C2orf76: variants seen among roughly 807,000 people sequenced by gnomAD.
The protein encoded by C2orf76 is chromosome 2 open reading frame 76, also known as UPF0538 protein C2orf76.
A neutral mutation model predicts 16.9 loss-of-function variants in C2orf76; 23 were observed. That is an observed-to-expected ratio of 1.36 (90% CI 0.98 to 1.93). The LOEUF (loss-of-function observed/expected upper bound fraction) is 1.93, where lower values mean the gene tolerates loss of function less well. Ranked by LOEUF, C2orf76 falls within the 30% of genes most tolerant of loss-of-function variation. The pLI, the probability that C2orf76 is intolerant of heterozygous loss-of-function variation, is 0.00. For synonymous variants in C2orf76, 48 were observed against 52.3 expected (o/e 0.92, Z 0.35); for missense variants, 152 against 152.6 (o/e 1.00, Z 0.02).
At chr2:119,298,094 TCAC>T (rs1238936176), downstream of C2orf76, among the ~76,000 whole-genome samples, 2 of 152,188 alleles carry the variant, frequency 1.3e-5, no homozygotes, top group Non-Finnish European at 2.9e-5. Flanking sequence ...TAGGCATGCA[TCAC>T]CACACCTGGC....
chr2:119,288,091 C>G, the C2orf76 span, among the ~76,000 whole-genome samples: 3 of 151,478 alleles, frequency 2.0e-5, no homozygotes, highest in Non-Finnish European at 4.4e-5. Flanking sequence ...GGGTCGTGCA[C>G]TTGTCAAAAC....
At position 119,329,409 on chromosome 2, in the gene C2orf76, A is replaced by AATTAAAAAATTATCTAAAAATTAC. The variant is rs1236412548; in HGVS notation, c.134-8206_134-8205insGTAATTTTTAGATAATTTTTTAAT. Among the ~76,000 whole-genome samples, 109 of 152,150 alleles carry AATTAAAAAATTATCTAAAAATTAC rather than the reference A, an allele frequency of 7.2e-4. 1 individual carries two copies. The East Asian group carries it at 9.8e-3, about 14-fold the overall frequency. On this transcript the variant is annotated intron_variant, in intron 2 of 5. Coordinates refer to ENST00000334816, the MANE Select transcript of C2orf76 (RefSeq NM_001322331.2). Reference sequence around the variant, plus strand: ...ATTCTTACTTGATTTTTATCTTTAAAGTACATTTCTTGTAGGTAACATATA... The same window carrying AATTAAAAAATTATCTAAAAATTAC: ...ATTCTTACTTGATTTTTATCTTTAAAATTAAAAAATTATCTAAAAATTACGTACATTTCTTGTAGGTAACATATA...
At chr2:119,338,055 C>A (rs567652429) in intron 2 of C2orf76, among the ~76,000 whole-genome samples, 1 of 152,094 alleles carries the variant, frequency 6.6e-6, no homozygotes, top group Non-Finnish European at 1.5e-5. Flanking sequence ...TAAAAAAGTA[C>A]GGATTTGTTT....
intron 5 of C2orf76, among the ~76,000 whole-genome samples, chr2:119,308,448 T>A (rs1678868648): frequency 1.3e-5 from 2 of 151,892 alleles, no homozygotes; most frequent in Non-Finnish European, 2.9e-5. Flanking sequence ...GAGACCAGCC[T>A]GGCCAATATG....
chr2:119,315,666 T>A (rs1387373558), intron 4 of C2orf76, among the ~76,000 whole-genome samples: 1 of 152,230 alleles, frequency 6.6e-6, no homozygotes, highest in Non-Finnish European at 1.5e-5. Flanking sequence ...CAGGGCATCT[T>A]AACTAGCATT....
chr2:119,347,101 T>C (rs1208710989), intron 1 of C2orf76, among the ~76,000 whole-genome samples: 4 of 152,322 alleles, frequency 2.6e-5, no homozygotes, highest in African/African-American at 9.6e-5. Flanking sequence ...AACTTCAGCA[T>C]GGGTACATCT....
intron 3 of C2orf76, 90 bp from the exon 4 acceptor site, chr2:119,317,593 TGAGAAA>T (rs781385441): frequency 1.8e-4 from 185 of 1,010,706 alleles, no homozygotes; most frequent in Non-Finnish European, 2.6e-4. Flanking sequence ...GCTACGAAAT[TGAGAAA>T]TGTAAGTCCT....
At chr2:119,282,972 C>T in the C2orf76 span, among the ~76,000 whole-genome samples, 3 of 152,288 alleles carry the variant, frequency 2.0e-5, no homozygotes, top group East Asian at 3.9e-4. Flanking sequence ...TCCTGAAAGA[C>T]GGATGTCCAC....
chr2:119,357,680 A>G (rs1477036071), intron 1 of C2orf76, among the ~76,000 whole-genome samples: 1 of 152,170 alleles, frequency 6.6e-6, no homozygotes, highest in Non-Finnish European at 1.5e-5. Context: ...GAACAAGGAA[A>G]AATAGCCATT....
At chr2:119,366,987 G>A (rs1250190931), upstream of C2orf76, 3 of 1,607,064 alleles carry the variant, frequency 1.9e-6, no homozygotes, top group Non-Finnish European at 2.6e-6. Context: ...AGTGCAATCT[G>A]GGCGATCGCT....
chr2:119,343,720 C>A (rs894404789), intron 1 of C2orf76, among the ~76,000 whole-genome samples: 2 of 152,156 alleles, frequency 1.3e-5, no homozygotes, highest in Admixed American at 6.5e-5. Flanking sequence ...GTGGAGGTTG[C>A]AGTGAGCTGA....
At chr2:119,308,519 T>C (rs1054126599) in intron 5 of C2orf76, among the ~76,000 whole-genome samples, 1 of 152,122 alleles carries the variant, frequency 6.6e-6, no homozygotes, top group African/African-American at 2.4e-5. Context: ...TGCACACCCA[T>C]AATCCCAGCT....
chr2:119,323,815 GA>G (rs1679424151), intron 2 of C2orf76, among the ~76,000 whole-genome samples: 1 of 152,132 alleles, frequency 6.6e-6, no homozygotes, highest in Non-Finnish European at 1.5e-5. Context: ...AGTGCTGTAG[GA>G]ACATGAGCCT....
chr2:119,289,426 G>A, the C2orf76 span, among the ~76,000 whole-genome samples: 3 of 151,986 alleles, frequency 2.0e-5, no homozygotes, highest in Non-Finnish European at 2.9e-5. Flanking sequence ...AGTGGCTCAC[G>A]CCTGTAATCC....
In C2orf76 at chr2:119,343,374, G is replaced by A. The variant is rs537746365; in HGVS notation, c.-12-3403C>T. Among the ~76,000 whole-genome samples the A allele has an allele frequency of 5.9e-5, 9 of 152,150 alleles. No homozygotes were observed. The East Asian group carries it at 1.2e-3, about 20-fold the overall frequency. On this transcript the variant is annotated intron_variant, in intron 1 of 5. Transcript: ENST00000334816. ...AAGCCTCTTGTATTTTAGAAGCAGT[G>A]TTGACAGGTTTGCTAAAGCTATGAC...
At chr2:119,302,015 A>G (rs6738969), downstream of C2orf76, among the ~76,000 whole-genome samples, 108,234 of 151,860 alleles carry the variant, frequency 0.71, 39,572 homozygotes, top group African/African-American at 0.89. Context: ...CACACCCTGA[A>G]CTAAAAGGTA....
intron 1 of C2orf76, among the ~76,000 whole-genome samples, chr2:119,360,477 CA>C (rs770401400): frequency 0.017 from 1,151 of 66,914 alleles, 7 homozygotes; most frequent in African/African-American, 0.049. Flanking sequence ...AACTCTGTCT[CA>C]AAAAAAAAAA....
intron 2 of C2orf76, among the ~76,000 whole-genome samples, chr2:119,328,406 T>C (rs1231542690): frequency 6.6e-6 from 1 of 152,198 alleles, no homozygotes; most frequent in Admixed American, 6.5e-5. Flanking sequence ...CATTAAATTG[T>C]TAAGAATATT....
chr2:119,338,234 G>GCCCT (rs761807627), intron 2 of C2orf76, among the ~76,000 whole-genome samples: 21 of 152,120 alleles, frequency 1.4e-4, no homozygotes, highest in African/African-American at 3.1e-4. Context: ...AAAGCTCTCG[G>GCCCT]CCCTCCGTTT....
Sources: allele counts gnomAD v4.1 joint callset (sites outside exome capture counted in the v4.1 genomes callset), GRCh38; gene constraint gnomAD v4.1.1; transcripts MANE v1.5; gene names NCBI Gene and HGNC (gene_info 2026-07-23, HGNC 2026-07-21).